Variants in CDH12 observed in about 807,000 individuals in gnomAD.
CDH12 encodes cadherin-12.
A neutral mutation model predicts 74.1 loss-of-function variants in CDH12; 41 were observed. The observed-to-expected ratio is 0.55, with a 90% CI of 0.43 to 0.72. CDH12 has a LOEUF of 0.72. Among genes scored for constraint, CDH12 ranks in the 30% least tolerant of loss-of-function variants. CDH12 has a pLI of 0.00. For synonymous variants in CDH12, 399 were observed against 355.0 expected, an observed-to-expected ratio of 1.12 and a Z score of -1.39; for missense variants, 945 against 977.2, an observed-to-expected ratio of 0.97 and a Z score of 0.44.
intron 6 of CDH12, among the ~76,000 whole-genome samples, chr5:21,905,445 C>T (rs1197742740): frequency 6.6e-6 from 1 of 152,198 alleles, no homozygotes; most frequent in Non-Finnish European, 1.5e-5. Flanking sequence ...AAATGACTGT[C>T]TTTGCAGTTT....
intron 4 of CDH12, among the ~76,000 whole-genome samples, chr5:22,191,872 G>T (rs1345785137): frequency 6.6e-6 from 1 of 151,678 alleles, no homozygotes; most frequent in Non-Finnish European, 1.5e-5. Context: ...CCCACCAATG[G>T]TCTTTAAAGA....
intron 1 of CDH12, among the ~76,000 whole-genome samples, chr5:22,684,285 C>G (rs1261542950): frequency 6.6e-6 from 1 of 152,150 alleles, no homozygotes; most frequent in Non-Finnish European, 1.5e-5. Context: ...ATCCCTCAAG[C>G]ATTTATCCTT....
At chr5:22,342,209 C>G (rs1739883408) in intron 3 of CDH12, among the ~76,000 whole-genome samples, 1 of 152,138 alleles carries the variant, frequency 6.6e-6, no homozygotes, top group Non-Finnish European at 1.5e-5. Context: ...CGAATACCAT[C>G]ACACTGGGGA....
intron 6 of CDH12, among the ~76,000 whole-genome samples, chr5:21,861,052 G>A (rs1245789954): frequency 6.6e-6 from 1 of 151,992 alleles, no homozygotes; most frequent in Non-Finnish European, 1.5e-5. Context: ...GGTGAAAAAG[G>A]TCCTGAAAGT....
intron 1 of CDH12, among the ~76,000 whole-genome samples, chr5:22,846,594 C>A (rs1737315198): frequency 6.6e-6 from 1 of 152,112 alleles, no homozygotes; most frequent in African/African-American, 2.4e-5. Context: ...ATCATCTAAA[C>A]ATTAGAATTG....
chr5:21,925,481 A>C (rs1443284987), intron 6 of CDH12, among the ~76,000 whole-genome samples: 1 of 152,156 alleles, frequency 6.6e-6, no homozygotes, highest in East Asian at 1.9e-4. Flanking sequence ...AAATCCCTAG[A>C]ATGTTTCTTT....
intron 1 of CDH12, among the ~76,000 whole-genome samples, chr5:22,749,948 A>G (rs1431542536): frequency 1.3e-5 from 2 of 152,170 alleles, no homozygotes; most frequent in Non-Finnish European, 2.9e-5. Context: ...CAATTTTTCA[A>G]TTCATATAGC....
intron 5 of CDH12, among the ~76,000 whole-genome samples, chr5:21,986,332 A>G (rs1394750438): frequency 3.3e-5 from 5 of 152,172 alleles, no homozygotes; most frequent in Non-Finnish European, 7.4e-5. Context: ...ACTTTGCTTG[A>G]ATATTGCCTT....
At chr5:21,914,141 C>A (rs898952719) in intron 6 of CDH12, among the ~76,000 whole-genome samples, 2 of 152,106 alleles carry the variant, frequency 1.3e-5, no homozygotes, top group Non-Finnish European at 2.9e-5. Flanking sequence ...TAGACACTAT[C>A]AATACTTTAT....
At chr5:22,294,984 A>G (rs1365979310) in intron 3 of CDH12, among the ~76,000 whole-genome samples, 1 of 152,150 alleles carries the variant, frequency 6.6e-6, no homozygotes, top group African/African-American at 2.4e-5. Flanking sequence ...TGAGTGGGTA[A>G]GAGCCTAACT....
At chr5:21,990,047 T>C (rs1485534560) in intron 5 of CDH12, among the ~76,000 whole-genome samples, 1 of 152,290 alleles carries the variant, frequency 6.6e-6, no homozygotes, top group South Asian at 2.1e-4. Flanking sequence ...TGTATCCTTC[T>C]TTCTGTCATT....
chr5:22,220,991 T>C lies in CDH12; in HGVS notation c.-332-8348A>G, dbSNP rs185118118. On this transcript the variant is annotated intron_variant, in intron 3 of 14. Coordinates refer to ENST00000382254, the MANE Select transcript of CDH12 (RefSeq NM_004061.5). ...GCTCTGAGAAGATACCTTCATCAAA[T>C]ACACACACACACACACAGACACACA... is the stretch of plus-strand genomic sequence containing the variant. Among the ~76,000 whole-genome samples the C allele has an allele frequency of 5.9e-4, 89 of 150,276 alleles. 1 individual carries two copies. Among genetic ancestry groups the C allele is most frequent in the Admixed American group, 3.3e-3 (49 of 15,024 alleles).
At chr5:22,761,851 C>T (rs1210643184) in intron 1 of CDH12, among the ~76,000 whole-genome samples, 3 of 151,882 alleles carry the variant, frequency 2.0e-5, no homozygotes, top group Non-Finnish European at 4.4e-5. Flanking sequence ...AAAATACAAA[C>T]AAAACCTTGT....
At chr5:22,393,621 A>G (rs1742338564) in intron 3 of CDH12, among the ~76,000 whole-genome samples, 1 of 152,180 alleles carries the variant, frequency 6.6e-6, no homozygotes, top group Admixed American at 6.6e-5. Flanking sequence ...GAAGCACAAT[A>G]GAAAATTCCT....
intron 1 of CDH12, among the ~76,000 whole-genome samples, chr5:22,695,067 CT>C (rs1416805515): frequency 6.6e-6 from 1 of 152,086 alleles, no homozygotes; most frequent in Non-Finnish European, 1.5e-5. Flanking sequence ...TCAACTCCCA[CT>C]TATGAGTGAT....
chr5:22,013,821 TAAAGTGTCTCTTA>T (rs1737438525), intron 5 of CDH12, among the ~76,000 whole-genome samples: 1 of 152,232 alleles, frequency 6.6e-6, no homozygotes. Flanking sequence ...CTCATCTTTT[TAAAGTGTCTCTTA>T]ATATACTTCT....
At chr5:22,466,589 C>T (rs1403740561) in intron 2 of CDH12, among the ~76,000 whole-genome samples, 1 of 152,020 alleles carries the variant, frequency 6.6e-6, no homozygotes, top group South Asian at 2.1e-4. Flanking sequence ...GAGAAAACCA[C>T]AGGCTCTGGA....
At chr5:21,921,907 T>C (rs1754369566) in intron 6 of CDH12, among the ~76,000 whole-genome samples, 1 of 152,208 alleles carries the variant, frequency 6.6e-6, no homozygotes, top group Non-Finnish European at 1.5e-5. Context: ...TTTCTTTGCA[T>C]TGCCTCAAAC....
chr5:22,204,162 G>GTTTTTTTTTT (rs113456439), intron 4 of CDH12, among the ~76,000 whole-genome samples: 2 of 129,842 alleles, frequency 1.5e-5, no homozygotes, highest in Non-Finnish European at 3.4e-5. Context: ...TGTTTTGTTT[G>GTTTTTTTTTT]TTTTTTTTTT....
Sources: allele counts gnomAD v4.1 joint callset (sites outside exome capture counted in the v4.1 genomes callset), GRCh38; gene constraint gnomAD v4.1.1; transcripts MANE v1.5; gene names NCBI Gene and HGNC (gene_info 2026-07-23, HGNC 2026-07-21).